The following YBX3 variants were observed in gnomAD, a reference collection of about 807,000 sequenced individuals.
YBX3 encodes the protein Y-box binding protein 3.
A neutral mutation model predicts 42.4 loss-of-function variants in YBX3; 29 were observed. The ratio of observed to expected loss-of-function variants is 0.68; its 90% CI spans 0.51 to 0.93. YBX3 has a LOEUF of 0.93. Ranked by LOEUF, YBX3 falls within the 40% of genes least tolerant of loss-of-function variation. The pLI, the probability that YBX3 is intolerant of heterozygous loss-of-function variation, is 0.00. For missense variants in YBX3, 517 were observed against 527.5 expected (o/e 0.98, Z 0.19); for synonymous variants, 195 against 189.8 (o/e 1.03, Z -0.22).
chr12:10,717,268 T>C (rs1287832791), intron 3 of YBX3, among the ~76,000 whole-genome samples: 1 of 152,226 alleles, frequency 6.6e-6, no homozygotes, highest in Non-Finnish European at 1.5e-5. Flanking sequence ...TCTGGATTTC[T>C]GCACTGCAAG....
intron 5 of YBX3, chr12:10,711,401 C>G (rs564298597): frequency 3.3e-5 from 5 of 152,118 alleles, no homozygotes; most frequent in South Asian, 2.1e-4. Flanking sequence ...CCAAACTCCC[C>G]CTCCAAAAAA....
chr12:10,721,644 A>G (rs868571291), intron 1 of YBX3, among the ~76,000 whole-genome samples: 1 of 152,160 alleles, frequency 6.6e-6, no homozygotes, highest in Non-Finnish European at 1.5e-5. Flanking sequence ...AGAAAAAAAA[A>G]ACAAGAAAAT....
rs142060858 is a variant in YBX3 at position 10,713,258 on chromosome 12, G to A, written c.526C>T (p.Arg176Cys). Reference sequence around the variant, plus strand: ...CTTCCATAGTAGCCACGTCTGTAACGGCGCCGATCTGCAGCGTAACGACTC... The same window carrying A: ...CTTCCATAGTAGCCACGTCTGTAACAGCGCCGATCTGCAGCGTAACGACTC... ...EGSRYAADRR[R>C]YRRGYYGRRR... is the part of the protein sequence containing the mutation. Residue 176 changes from arginine to cysteine, a missense_variant, in exon 5 of 10, where the codon CGT becomes TGT. By Grantham distance (180) the Arg-to-Cys change is radical. Around this residue, in one of 3 missense-constraint regions of YBX3, gnomAD observed 420 missense variants for 408.5 expected, o/e 1.03. Transcript: ENST00000228251. The A allele has an allele frequency of 1.7e-5, 27 of 1,613,906 alleles. No individual in the cohort carries two copies. Among genetic ancestry groups the A allele is most frequent in the African/African-American group, 1.1e-4 (8 of 74,890 alleles).
chr12:10,716,799 A>G (rs945003087), intron 3 of YBX3, among the ~76,000 whole-genome samples: 1 of 152,190 alleles, frequency 6.6e-6, no homozygotes, highest in Non-Finnish European at 1.5e-5. Context: ...GGCACGCAGC[A>G]TGAACATTCA....
chr12:10,709,434 T>A (rs975549055), intron 6 of YBX3, among the ~76,000 whole-genome samples: 10 of 152,240 alleles, frequency 6.6e-5, no homozygotes, highest in Admixed American at 6.5e-4. Flanking sequence ...AAAATGTTAT[T>A]TATGCTGCAG....
intron 1 of YBX3, among the ~76,000 whole-genome samples, chr12:10,719,863 C>T (rs1333290661): frequency 1.3e-5 from 2 of 152,306 alleles, no homozygotes; most frequent in East Asian, 1.9e-4. Flanking sequence ...GTTGTCTCTA[C>T]CTCATGAGCA....
rs537842898 is a variant in YBX3 at position 10,705,335 on chromosome 12, T to C, written c.781-1187A>G. Among the ~76,000 whole-genome samples, 8 of 152,304 alleles carry C rather than the reference T, an allele frequency of 5.3e-5. No homozygotes were observed. In the East Asian group the frequency reaches 1.4e-3, roughly 26 times the overall value. Reference sequence around the variant, plus strand: ...GTCTCAATCTCTTGACCTCGTGATCTACCCACCTCAGACTTCCAAAGTGCT... The same window carrying C: ...GTCTCAATCTCTTGACCTCGTGATCCACCCACCTCAGACTTCCAAAGTGCT... On this transcript the variant is annotated intron_variant, in intron 6 of 9. Transcript: ENST00000228251.
chr12:10,714,143 T>C (rs1012685307), intron 4 of YBX3, among the ~76,000 whole-genome samples: 8 of 152,202 alleles, frequency 5.3e-5, no homozygotes, highest in African/African-American at 1.9e-4. Context: ...TCTAAAAGAC[T>C]TACAAGATAC....
intron 9 of YBX3, 67 bp downstream of exon 9, chr12:10,701,187 C>A: frequency 1.3e-6 from 1 of 744,432 alleles, no homozygotes; most frequent in Non-Finnish European, 2.5e-6. Flanking sequence ...AATTTGTACT[C>A]TTGTTGAGAA....
At position 10,699,425 on chromosome 12, in the gene YBX3, G is replaced by C. The variant is rs538466176; in HGVS notation, c.*264C>G. ...AAACCTAGCGGTTGCTGAAACTGGA[G>C]AGGCTACTCTCTTGTCTTCCGTGCA... On this transcript the variant is annotated 3_prime_UTR_variant, in exon 10 of 10. Coordinates refer to ENST00000228251, the MANE Select transcript of YBX3 (RefSeq NM_003651.5). The C allele has an allele frequency of 1.3e-5, 2 of 152,736 alleles. No homozygotes were observed. The highest frequency in any genetic ancestry group is 4.8e-5 in the African/African-American group (2 of 41,572). 9.5% of individuals were successfully genotyped at this position (152,736 alleles called of 1,614,324 possible). A position where few individuals can be genotyped will look rare whatever the true frequency, so the allele number is the denominator to read the frequency against.
Position 10,713,313 on chromosome 12 carries a change from C to A in YBX3, c.471G>T (p.Val157=). 1 of 1,613,976 alleles carries A rather than the reference C, an allele frequency of 6.2e-7. No individual in the cohort carries two copies. The highest frequency in any genetic ancestry group is 8.5e-7 in the Non-Finnish European group (1 of 1,180,026). ...EGEKGAEAAN[V]TGPDGVPVEG... is the part of the protein sequence containing the mutation. ...CCACAGGAACTCCATCCGGGCCAGT[C>A]ACATTGGCAGCTTCTGCACCCTGAG... The change falls in exon 5 of 10, where the codon GTG becomes GTT. Residue 157 remains valine, a synonymous_variant. Transcript: ENST00000228251.
In YBX3 at chr12:10,715,738, C is replaced by G; in HGVS notation, c.406G>C (p.Gly136Arg). The change falls in exon 4 of 10, where the codon GGA becomes CGA. Residue 136 changes from glycine (G) to arginine (R), a missense_variant. By Grantham distance (125) the Gly-to-Arg change is moderately radical. Coordinates refer to ENST00000228251, the MANE Select transcript of YBX3 (RefSeq NM_003651.5). ...NNPRKYLRSV[G>R]DGETVEFDVV... ...TCAAACTCTACAGTTTCTCCATCTC[C>G]TACACTGCGCAGATATTTCCGTGGG... 6.2e-7 allele frequency: 1 copy of G among 1,614,096 alleles called. No homozygotes were observed.
intron 4 of YBX3, among the ~76,000 whole-genome samples, 183 bp downstream of exon 4, chr12:10,715,511 A>G (rs905369915): frequency 6.6e-6 from 1 of 151,850 alleles, no homozygotes; most frequent in African/African-American, 2.4e-5. Context: ...GCGCCACTGC[A>G]CTCCAGCCTG....
rs1948051339 is a variant in YBX3 at position 10,699,171 on chromosome 12, T to G, written c.*518A>C. 6.6e-6 allele frequency: 1 copy of G among 152,550 alleles called. No individual in the cohort carries two copies. The highest frequency in any genetic ancestry group is 1.5e-5 in the Non-Finnish European group (1 of 68,020). 9.4% of individuals were successfully genotyped at this position (152,550 alleles called of 1,614,324 possible). A position where few individuals can be genotyped will look rare whatever the true frequency, so the allele number is the denominator to read the frequency against. ...AGAGTCACATAAGAAAGCAAAAATG[T>G]TATCCTCCCCTCATCCTAGAAATAA... On this transcript the variant is annotated 3_prime_UTR_variant, in exon 10 of 10. Coordinates refer to ENST00000228251, the MANE Select transcript of YBX3 (RefSeq NM_003651.5).
At chr12:10,702,437 C>T (rs1046675840) in intron 7 of YBX3, 9 of 173,816 alleles carry the variant, frequency 5.2e-5, no homozygotes. Flanking sequence ...ATAAGAATTG[C>T]TTGAATCCAT....
intron 7 of YBX3, chr12:10,702,929 T>C (rs1201789353): frequency 6.6e-6 from 1 of 152,216 alleles, no homozygotes; most frequent in Non-Finnish European, 1.5e-5. Flanking sequence ...GTTTACATGA[T>C]AAAGTATACG....
chr12:10,706,565 T>G (rs910756836), intron 6 of YBX3, among the ~76,000 whole-genome samples: 1 of 152,254 alleles, frequency 6.6e-6, no homozygotes, highest in Non-Finnish European at 1.5e-5. Flanking sequence ...ACATTCTCCT[T>G]GGCTGCTCCT....
At chr12:10,710,420 T>C in intron 5 of YBX3, 1 of 1,285,606 alleles carries the variant, frequency 7.8e-7, no homozygotes, top group Non-Finnish European at 9.9e-7. Flanking sequence ...CCGAAGAGTA[T>C]CTGCAAGGTT....
rs917836591 is a variant in YBX3, at chr12:10,723,285, G to C, written c.-174C>G. 2.8e-6 allele frequency: 3 copies of C among 1,071,398 alleles called. No individual in the cohort carries two copies. The highest frequency in any genetic ancestry group is 3.5e-6 in the Non-Finnish European group (3 of 860,240). The allele number at this position is 1,071,398 out of a possible 1,614,324, so 66.4% of individuals were successfully genotyped here. A position where few individuals can be genotyped will look rare whatever the true frequency, so the allele number is the denominator to read the frequency against. On this transcript the variant is annotated 5_prime_UTR_variant, in exon 1 of 10. Transcript: ENST00000228251. Reference sequence around the variant, plus strand: ...GCGGCGGAGGCGGCTCGAGCTTCGTGCTGCGCGCTCTCTCTTGGGCTCCTC... The same window carrying C: ...GCGGCGGAGGCGGCTCGAGCTTCGTCCTGCGCGCTCTCTCTTGGGCTCCTC...
Sources: allele counts gnomAD v4.1 joint callset (sites outside exome capture counted in the v4.1 genomes callset), GRCh38; gene constraint gnomAD v4.1.1; regional missense constraint gnomAD v4.1.1; transcripts MANE v1.5; gene names NCBI Gene and HGNC (gene_info 2026-07-23, HGNC 2026-07-21).